Variants in KCTD1 observed in about 807,000 individuals in gnomAD.
The protein encoded by KCTD1 is BTB/POZ domain-containing protein KCTD1.
Under a neutral mutation model 66.0 loss-of-function variants are expected in KCTD1, and 24 were observed. The ratio of observed to expected loss-of-function variants is 0.36; its 90% CI spans 0.26 to 0.51. The LOEUF is 0.51. Ranked by LOEUF, KCTD1 falls within the 20% of genes least tolerant of loss-of-function variation. The probability of loss-of-function intolerance (pLI) is 0.95; values close to 1 mark genes in which losing one functional copy is unlikely to be tolerated. For synonymous variants in KCTD1, 511 were observed against 517.2 expected, an observed-to-expected ratio of 0.99 and a Z score of 0.16; for missense variants, 943 against 1,205.2, an observed-to-expected ratio of 0.78 and a Z score of 3.22.
intron 1 of KCTD1, among the ~76,000 whole-genome samples, chr18:26,603,667 T>C (rs186448829): frequency 6.6e-6 from 1 of 151,736 alleles, no homozygotes; most frequent in Non-Finnish European, 1.5e-5. Flanking sequence ...CACCTGAACC[T>C]GGGAGGCAGA....
chr18:26,548,790 T>C, upstream of KCTD1: 2 of 1,093,266 alleles, frequency 1.8e-6, no homozygotes, highest in Non-Finnish European at 2.2e-6. Flanking sequence ...CCAGACCTTC[T>C]TCCTCCCCCA....
At chr18:26,533,217 G>A (rs543304824) in intron 1 of KCTD1, among the ~76,000 whole-genome samples, 2 of 152,328 alleles carry the variant, frequency 1.3e-5, no homozygotes, top group East Asian at 1.9e-4. Context: ...GCATTGAAGG[G>A]TAATAATCTA....
chr18:26,598,460 T>C (rs928571044), intron 1 of KCTD1, among the ~76,000 whole-genome samples: 1 of 110,076 alleles, frequency 9.1e-6, no homozygotes, highest in Non-Finnish European at 1.8e-5. Flanking sequence ...ATGTTTTCAA[T>C]TCTCTTTTTT....
At position 26,473,406 on chromosome 18, in the gene KCTD1, T is replaced by C. The variant is rs561620334; in HGVS notation, c.2133+3109A>G. On this transcript the variant is annotated intron_variant, in intron 3 of 4. Coordinates refer to ENST00000580059, the MANE Select transcript of KCTD1 (RefSeq NM_001142730.3). ...GGGGAACAACACACACTGGGGCCTG[T>C]AGCAGGGATAGGGGGAGGGAGAGCA... Among the ~76,000 whole-genome samples the C allele has an allele frequency of 7.4e-4, 112 of 151,368 alleles. 1 individual carries two copies. The highest frequency in any genetic ancestry group is 2.5e-3 in the African/African-American group (103 of 40,750).
chr18:26,496,282 A>G (rs957883298), intron 2 of KCTD1, among the ~76,000 whole-genome samples: 3 of 152,216 alleles, frequency 2.0e-5, no homozygotes, highest in Non-Finnish European at 4.4e-5. Context: ...CTAACAAACT[A>G]TTAAACAAAA....
intron 3 of KCTD1, among the ~76,000 whole-genome samples, chr18:26,473,117 G>C (rs1352761796): frequency 6.6e-6 from 1 of 152,138 alleles, no homozygotes; most frequent in East Asian, 1.9e-4. Context: ...GCAGGAAAGA[G>C]GTTCAAAAGT....
intron 1 of KCTD1, chr18:26,599,616 G>A: frequency 6.8e-7 from 1 of 1,466,876 alleles, no homozygotes; most frequent in Admixed American, 1.7e-5. Flanking sequence ...GTCCCGGGAA[G>A]CACCACTCTG....
intron 1 of KCTD1, among the ~76,000 whole-genome samples, chr18:26,534,163 T>C (rs1019752575): frequency 7.9e-5 from 12 of 152,130 alleles, no homozygotes; most frequent in African/African-American, 2.9e-4. Flanking sequence ...TTATTTACAG[T>C]CTACTTAAAA....
At chr18:26,508,802 G>A (rs1038025613) in intron 1 of KCTD1, among the ~76,000 whole-genome samples, 1 of 151,940 alleles carries the variant, frequency 6.6e-6, no homozygotes, top group African/African-American at 2.4e-5. Context: ...GATTAATTCT[G>A]ATAGTCTGAC....
chr18:26,571,649 G>A (rs529554928), intron 1 of KCTD1, among the ~76,000 whole-genome samples: 1 of 151,630 alleles, frequency 6.6e-6, no homozygotes, highest in East Asian at 1.9e-4. Flanking sequence ...TTATTTTTTA[G>A]AATATTTTCA....
intron 1 of KCTD1, among the ~76,000 whole-genome samples, chr18:26,555,871 T>C (rs1188400301): frequency 6.6e-6 from 1 of 152,164 alleles, no homozygotes; most frequent in African/African-American, 2.4e-5. Flanking sequence ...ATTTTAAAGC[T>C]CGTATTTCAA....
At chr18:26,556,290 T>C (rs9948310) in intron 1 of KCTD1, among the ~76,000 whole-genome samples, 21,580 of 152,164 alleles carry the variant, frequency 0.14, 1,653 homozygotes, top group Admixed American at 0.19. Flanking sequence ...CCCTCTCTTC[T>C]GTGACCTAAG....
chr18:26,499,376 T>C (rs1278478995), intron 2 of KCTD1, among the ~76,000 whole-genome samples: 1 of 152,224 alleles, frequency 6.6e-6, no homozygotes, highest in Non-Finnish European at 1.5e-5. Context: ...ATTATTATAA[T>C]ATGATTTTTC....
At chr18:26,587,741 C>T (rs961358402) in intron 1 of KCTD1, among the ~76,000 whole-genome samples, 1 of 152,094 alleles carries the variant, frequency 6.6e-6, no homozygotes, top group African/African-American at 2.4e-5. Flanking sequence ...ATCAAGACAA[C>T]AGTGGAGGAA....
At position 26,547,632 on chromosome 18, in the gene KCTD1, G is replaced by A. The variant is rs1567989096; in HGVS notation, c.905C>T (p.Thr302Met). 3 of 1,551,628 alleles carry A rather than the reference G, an allele frequency of 1.9e-6. No individual in the cohort carries two copies. The highest frequency in any genetic ancestry group is 2.6e-6 in the Non-Finnish European group (3 of 1,146,958). Reference protein sequence around the residue: ...LYTSSVFSTNTPFGLLNKVWF... With the variant: ...LYTSSVFSTNMPFGLLNKVWF... ...GACCTTGTTGAGCAGCCCGAAGGGCGTGTTGGTGCTGAAGACGCTGGAGGT... is the reference window on the plus strand; with the variant it reads ...GACCTTGTTGAGCAGCCCGAAGGGCATGTTGGTGCTGAAGACGCTGGAGGT... Residue 302 changes from threonine (T) to methionine (M), a missense_variant, in exon 1 of 5, where the codon ACG becomes ATG. Transcript: ENST00000580059.
rs191449103 is a variant in KCTD1, at chr18:26,578,207, C to A, written c.-16+50940G>T. ...AGTAGCTGGGACCACAGACATGCAC[C>A]ACCACACCCGGCTAATTCCACCTTT... is the stretch of plus-strand genomic sequence containing the variant. On this transcript the variant is annotated intron_variant, in intron 1 of 4. Transcript: ENST00000317932. Among the ~76,000 whole-genome samples the A allele has an allele frequency of 6.5e-4, 99 of 152,058 alleles. 1 individual carries two copies. The highest frequency in any genetic ancestry group is 1.8e-3 in the African/African-American group (74 of 41,482).
At chr18:26,549,385 A>T (rs1985450016), upstream of KCTD1, 1 of 985,466 alleles carries the variant, frequency 1.0e-6, no homozygotes, top group Non-Finnish European at 1.2e-6. Flanking sequence ...AGCTGTCATT[A>T]AAGACCTGGG....
At chr18:26,656,560 C>T (rs1988147563) in intron 1 of KCTD1, among the ~76,000 whole-genome samples, 1 of 150,244 alleles carries the variant, frequency 6.7e-6, no homozygotes, top group African/African-American at 2.5e-5. Context: ...GAGCGCCGGG[C>T]ACCGGCCGCG....
intron 3 of KCTD1, among the ~76,000 whole-genome samples, chr18:26,473,161 T>G (rs1221428866): frequency 1.3e-5 from 2 of 152,194 alleles, no homozygotes; most frequent in African/African-American, 4.8e-5. Context: ...TATACTATAT[T>G]GAAAATTATC....
Sources: allele counts gnomAD v4.1 joint callset (sites outside exome capture counted in the v4.1 genomes callset), GRCh38; gene constraint gnomAD v4.1.1; transcripts MANE v1.5; gene names NCBI Gene and HGNC (gene_info 2026-07-23, HGNC 2026-07-21).